GRM7: variants seen among roughly 807,000 people sequenced by gnomAD.
GRM7 encodes glutamate metabotropic receptor 7.
GRM7 carries 35 observed loss-of-function variants against 84.5 expected under a neutral mutation model. The ratio of observed to expected loss-of-function variants is 0.41; its 90% CI spans 0.32 to 0.55. The LOEUF is 0.55. GRM7 is among the 20% of genes least tolerant of loss of function. GRM7 has a pLI of 0.19. For missense variants in GRM7, 1,003 were observed against 1,194.6 expected (o/e 0.84, Z 2.36); for synonymous variants, 487 against 455.1 (o/e 1.07, Z -0.89).
At chr3:7,698,091 T>C (rs1308461211) in intron 9 of GRM7, among the ~76,000 whole-genome samples, 1 of 152,142 alleles carries the variant, frequency 6.6e-6, no homozygotes. Context: ...GAGTTTGCAA[T>C]TAAAAGGAGA....
intron 1 of GRM7, among the ~76,000 whole-genome samples, chr3:6,972,906 C>G (rs766127813): frequency 2.0e-5 from 3 of 152,224 alleles, no homozygotes; most frequent in Non-Finnish European, 4.4e-5. Context: ...CTTGAGGAAT[C>G]TCAGTGGCAC....
chr3:6,952,432 T>A (rs189371398), intron 1 of GRM7, among the ~76,000 whole-genome samples: 2 of 152,130 alleles, frequency 1.3e-5, no homozygotes, highest in African/African-American at 4.8e-5. Flanking sequence ...TCTCTGGAGG[T>A]CTCTTTGTGT....
intron 8 of GRM7, among the ~76,000 whole-genome samples, chr3:7,662,614 T>C (rs1004981722): frequency 6.6e-6 from 1 of 152,230 alleles, no homozygotes; most frequent in Non-Finnish European, 1.5e-5. Flanking sequence ...ACTGTGGTTA[T>C]GCACAAGTGT....
chr3:7,083,101 C>T (rs1462715212), intron 1 of GRM7, among the ~76,000 whole-genome samples: 1 of 152,120 alleles, frequency 6.6e-6, no homozygotes, highest in African/African-American at 2.4e-5. Context: ...AGAAATTCTA[C>T]TGAGGATAAA....
chr3:7,076,249 A>G (rs1454300121), intron 1 of GRM7, among the ~76,000 whole-genome samples: 1 of 152,060 alleles, frequency 6.6e-6, no homozygotes, highest in East Asian at 1.9e-4. Flanking sequence ...TAGTAGTTCC[A>G]TTGTTTTCTT....
Position 6,861,244 on chromosome 3 carries a change from G to A in GRM7, c.-145G>A. On this transcript the variant is annotated 5_prime_UTR_variant, in exon 1 of 10. Transcript: ENST00000357716. The surrounding 1 kb of genome is among the most constrained non-coding windows in gnomAD (Gnocchi z 6.4). Reference sequence around the variant, plus strand: ...GCGGGACCCCTCACCCTCTCTGGTCGCCCCTCCCCGGATTCCCCCACCCTC... The same window carrying A: ...GCGGGACCCCTCACCCTCTCTGGTCACCCCTCCCCGGATTCCCCCACCCTC... The A allele has an allele frequency of 1.6e-6, 1 of 627,650 alleles. No homozygotes were observed. The highest frequency in any genetic ancestry group is 2.4e-6 in the Non-Finnish European group (1 of 412,858). 38.9% of individuals were successfully genotyped at this position (627,650 alleles called of 1,614,324 possible).
intron 9 of GRM7, among the ~76,000 whole-genome samples, chr3:7,695,396 A>G (rs1014326363): frequency 6.6e-6 from 1 of 152,228 alleles, no homozygotes; most frequent in South Asian, 2.1e-4. Context: ...ATCTTATGCA[A>G]TCATTTCAAG....
intron 1 of GRM7, among the ~76,000 whole-genome samples, chr3:7,010,529 G>A (rs1695334768): frequency 1.3e-5 from 2 of 152,204 alleles, no homozygotes; most frequent in South Asian, 4.1e-4. Context: ...CAAGTCCAAG[G>A]TGATCAGACA....
At chr3:7,264,674 G>T (rs1237735998) in intron 2 of GRM7, among the ~76,000 whole-genome samples, 1 of 152,114 alleles carries the variant, frequency 6.6e-6, no homozygotes, top group South Asian at 2.1e-4. Flanking sequence ...CCACTCCCTT[G>T]GTGCCAGATG....
chr3:7,561,005 A>G (rs1694000514), intron 7 of GRM7, among the ~76,000 whole-genome samples: 1 of 152,172 alleles, frequency 6.6e-6, no homozygotes, highest in Non-Finnish European at 1.5e-5. Flanking sequence ...AATAATGAGC[A>G]AATTGTTTTT....
intron 1 of GRM7, among the ~76,000 whole-genome samples, chr3:7,071,156 G>A (rs1239539371): frequency 3.9e-5 from 6 of 151,996 alleles, no homozygotes; most frequent in Non-Finnish European, 2.9e-5. Flanking sequence ...GCTTTCTTCT[G>A]TTTGATTCTT....
chr3:7,074,741 C>G (rs949321158), intron 1 of GRM7, among the ~76,000 whole-genome samples: 1 of 151,828 alleles, frequency 6.6e-6, no homozygotes, highest in Admixed American at 6.6e-5. Flanking sequence ...TGAGAAATAC[C>G]AATGTAGAAT....
chr3:6,986,895 A>G (rs145349869), intron 1 of GRM7, among the ~76,000 whole-genome samples: 58 of 152,346 alleles, frequency 3.8e-4, no homozygotes, highest in African/African-American at 1.3e-3. Context: ...TTCAGCTATC[A>G]GCATAGTACC....
chr3:7,609,528 C>CGTGGGCTTGGAGATTGCTGGAA (rs1696748910), intron 8 of GRM7, among the ~76,000 whole-genome samples: 1 of 152,118 alleles, frequency 6.6e-6, no homozygotes, highest in African/African-American at 2.4e-5. Flanking sequence ...ATGAGCCTTT[C>CGTGGGCTTGGAGATTGCTGGAA]CTCCACATTA....
intron 8 of GRM7, among the ~76,000 whole-genome samples, chr3:7,600,753 T>G (rs1696269901): frequency 6.6e-6 from 1 of 152,204 alleles, no homozygotes; most frequent in Non-Finnish European, 1.5e-5. Flanking sequence ...ACAGCATCTC[T>G]GGGGAAATTT....
At chr3:7,056,903 A>G (rs1042908238) in intron 1 of GRM7, among the ~76,000 whole-genome samples, 1 of 151,984 alleles carries the variant, frequency 6.6e-6, no homozygotes, top group African/African-American at 2.4e-5. Flanking sequence ...TGTAGTCCTC[A>G]TAGATATCCT....
intron 1 of GRM7, among the ~76,000 whole-genome samples, chr3:7,083,081 C>T (rs1270454834): frequency 6.6e-6 from 1 of 152,088 alleles, no homozygotes; most frequent in Non-Finnish European, 1.5e-5. Context: ...GGATTGACTC[C>T]ACTTTTGAAA....
Position 7,144,883 on chromosome 3 carries a change from CA to C in GRM7, c.520-1568del, listed in dbSNP as rs1694060099. Reference sequence around the variant, plus strand: ...TTCTCACACTGGCTTTGAATTAAGTCAGGGGCAGAAAGCCTGCCCTCCAATG... The same window carrying C: ...TTCTCACACTGGCTTTGAATTAAGTCGGGGCAGAAAGCCTGCCCTCCAATG... On this transcript the variant is annotated intron_variant, in intron 1 of 9. Transcript: ENST00000357716. 2.6e-5 allele frequency among the ~76,000 whole-genome samples: 4 copies of C among 152,250 alleles called. No individual in the cohort carries two copies. In the South Asian group the frequency reaches 8.3e-4, roughly 32 times the overall value.
In GRM7 at chr3:6,961,448, T is replaced by C. The variant is rs930641500; in HGVS notation, c.519+99541T>C. Among the ~76,000 whole-genome samples, 72 of 152,240 alleles carry C rather than the reference T, an allele frequency of 4.7e-4. 1 individual carries two copies. In the Middle Eastern group the frequency reaches 0.014, roughly 29 times the overall value. ...ACTCTCCACCTATTAGACTGCTGAATTGAGGAGGTAGAATATGGCTTGAGA... is the reference window on the plus strand; with the variant it reads ...ACTCTCCACCTATTAGACTGCTGAACTGAGGAGGTAGAATATGGCTTGAGA... On this transcript the variant is annotated intron_variant, in intron 1 of 9. Coordinates refer to ENST00000357716, the MANE Select transcript of GRM7 (RefSeq NM_000844.4).
Sources: gnomAD v4.1 joint callset for allele counts (sites outside exome capture counted in the v4.1 genomes callset) on GRCh38, gnomAD v4.1.1 for gene constraint, Gnocchi (gnomAD v3.1) non-coding constraint, MANE v1.5 for transcripts, NCBI Gene and HGNC (gene_info 2026-07-23, HGNC 2026-07-21) for gene names.